PNRC1: variants seen among roughly 807,000 people sequenced by gnomAD.
PNRC1 encodes the protein proline rich nuclear receptor coactivator 1.
Under a neutral mutation model 20.2 loss-of-function variants are expected in PNRC1, and 6 were observed. The observed-to-expected ratio is 0.30, with a 90% confidence interval of 0.16 to 0.59. The LOEUF is 0.59. Among genes scored for constraint, PNRC1 ranks in the 20% least tolerant of loss-of-function variants. The probability of loss-of-function intolerance (pLI) is 0.89; values close to 1 mark genes in which losing one functional copy is unlikely to be tolerated. For missense variants in PNRC1, 488 were observed against 430.2 expected (o/e 1.13, Z -1.19); for synonymous variants, 202 against 186.9 (o/e 1.08, Z -0.66).
In PNRC1 at chr6:89,081,049, C is replaced by T. The variant is rs1767970347; in HGVS notation, c.155C>T (p.Pro52Leu). Reference protein sequence around the residue: ...LPRIPDPRALPPTLFLPHFLG... With the variant: ...LPRIPDPRALLPTLFLPHFLG... ...CGGATCCCGGACCCCCGGGCACTGC[C>T]CCCGACCCTCTTCCTCCCTCATTTC... The change falls in exon 1 of 2, where the codon CCC becomes CTC. Residue 52 changes from proline (P) to leucine (L), a missense_variant. Transcript: ENST00000336032. The T allele has an allele frequency of 1.2e-6, 2 of 1,611,014 alleles. No individual in the cohort carries two copies. The highest frequency in any genetic ancestry group is 1.7e-5 in the Admixed American group (1 of 60,000).
rs147772027 is a variant in PNRC1 at position 89,080,931 on chromosome 6, G to T, written c.37G>T (p.Val13Phe). 1 of 1,612,868 alleles carries T rather than the reference G, an allele frequency of 6.2e-7. No homozygotes were observed. The highest frequency in any genetic ancestry group is 8.5e-7 in the Non-Finnish European group (1 of 1,180,016). The change falls in exon 1 of 2, where the codon GTC (valine) becomes TTC (phenylalanine). Residue 13 changes from valine to phenylalanine, a missense_variant. By Grantham distance (50) the Val-to-Phe change is conservative. Coordinates refer to ENST00000336032, the MANE Select transcript of PNRC1 (RefSeq NM_006813.3). ...VVSVPQREPL[V>F]LGGRLAPLGF... ...CTCCGTCCCGCAGCGGGAGCCGCTC[G>T]TCCTGGGTGGCCGCCTTGCGCCGCT...
Position 89,083,908 on chromosome 6 carries a change from AAAC to A in PNRC1, c.700_702del (p.Asn234del). 1 of 1,614,160 alleles carries A rather than the reference AAAC, an allele frequency of 6.2e-7. No homozygotes were observed. The highest frequency in any genetic ancestry group is 8.5e-7 in the Non-Finnish European group (1 of 1,180,026). On this transcript the variant is annotated inframe_deletion, in exon 2 of 2. Transcript: ENST00000336032. Reference sequence around the variant, plus strand: ...AGATCACCTCTGCAAAAAGAAATGAAAACAACTTTTGGCAGGATTCTGTTTCAT... The same window carrying A: ...AGATCACCTCTGCAAAAAGAAATGAAAACTTTTGGCAGGATTCTGTTTCAT...
intron 1 of PNRC1, among the ~76,000 whole-genome samples, chr6:89,082,967 G>A (rs192455185): frequency 5.5e-4 from 84 of 152,018 alleles, no homozygotes; most frequent in Non-Finnish European, 6.5e-4. Flanking sequence ...GCGAACAAGA[G>A]TGAACTTAAA....
intron 1 of PNRC1, 99 bp from the exon 2 acceptor site, chr6:89,083,654 G>T: frequency 1.1e-6 from 1 of 875,020 alleles, no homozygotes; most frequent in Admixed American, 3.1e-5. Context: ...CTATGGCTGT[G>T]GGCAAACTTA....
Position 89,083,901 on chromosome 6 carries a change from G to C in PNRC1, c.689G>C (p.Arg230Thr), listed in dbSNP as rs866480052. Residue 230 changes from arginine (R) to threonine (T), a missense_variant, in exon 2 of 2, where the codon AGA becomes ACA. Physicochemically the swap from Arg to Thr is moderately conservative, Grantham distance 71. Transcript: ENST00000336032. Reference sequence around the variant, plus strand: ...CTAACCAAGATCACCTCTGCAAAAAGAAATGAAAACAACTTTTGGCAGGAT... The same window carrying C: ...CTAACCAAGATCACCTCTGCAAAAACAAATGAAAACAACTTTTGGCAGGAT... ...LPLTKITSAK[R>T]NENNFWQDSV... 4 of 1,614,006 alleles carry C rather than the reference G, an allele frequency of 2.5e-6. No homozygotes were observed. The highest frequency in any genetic ancestry group is 2.5e-6 in the Non-Finnish European group (3 of 1,179,992).
At position 89,081,036 on chromosome 6, in the gene PNRC1, C is replaced by T. The variant is rs1368223422; in HGVS notation, c.142C>T (p.Pro48Ser). Residue 48 changes from proline (P) to serine (S), a missense_variant, in exon 1 of 2, where the codon CCC (proline) becomes TCC (serine). Coordinates refer to ENST00000336032, the MANE Select transcript of PNRC1 (RefSeq NM_006813.3). Reference protein sequence around the residue: ...APPPLPRIPDPRALPPTLFLP... With the variant: ...APPPLPRIPDSRALPPTLFLP... The stretch of plus-strand genomic sequence containing the variant: ...GCCTCCTTTACCCCGGATCCCGGAC[C>T]CCCGGGCACTGCCCCCGACCCTCTT... 1 of 1,611,492 alleles carries T rather than the reference C, an allele frequency of 6.2e-7. No individual in the cohort carries two copies. Among genetic ancestry groups the T allele is most frequent in the South Asian group, 1.1e-5 (1 of 91,088 alleles).
Position 89,081,031 on chromosome 6 carries a change from C to G in PNRC1, c.137C>G (p.Pro46Arg). The G allele has an allele frequency of 6.2e-7, 1 of 1,611,662 alleles. No homozygotes were observed. Among genetic ancestry groups the G allele is most frequent in the Non-Finnish European group, 8.5e-7 (1 of 1,179,878 alleles). ...TTAPPPLPRIPDPRALPPTLF... is the reference protein window; with the variant it reads ...TTAPPPLPRIRDPRALPPTLF... ...GCTCCGCCTCCTTTACCCCGGATCCCGGACCCCCGGGCACTGCCCCCGACC... is the reference window on the plus strand; with the variant it reads ...GCTCCGCCTCCTTTACCCCGGATCCGGGACCCCCGGGCACTGCCCCCGACC... Residue 46 changes from proline (P) to arginine (R), a missense_variant, in exon 1 of 2, where the codon CCG (proline) becomes CGG (arginine). Coordinates refer to ENST00000336032, the MANE Select transcript of PNRC1 (RefSeq NM_006813.3).
At position 89,084,297 on chromosome 6, in the gene PNRC1, C is replaced by A. The variant is rs914957946; in HGVS notation, c.*101C>A. On this transcript the variant is annotated 3_prime_UTR_variant, in exon 2 of 2. Coordinates refer to ENST00000336032, the MANE Select transcript of PNRC1 (RefSeq NM_006813.3). ...TGGAAATTTGCCTTGTTGCAACATA[C>A]AATTGCAAAAGATGAGTTTAAAAAA... 2.1e-5 allele frequency: 15 copies of A among 722,530 alleles called. No individual in the cohort carries two copies. The highest frequency in any genetic ancestry group is 4.3e-5 in the South Asian group (2 of 46,720). The allele number at this position is 722,530 out of a possible 1,614,324, so 44.8% of individuals were successfully genotyped here.
chr6:89,084,486 A>C lies in PNRC1; in HGVS notation c.*290A>C. On this transcript the variant is annotated 3_prime_UTR_variant, in exon 2 of 2. Coordinates refer to ENST00000336032, the MANE Select transcript of PNRC1 (RefSeq NM_006813.3). ...GTGTTTTGTATATATACAATGGATAAATTTTAAGTGTGTGCTAAGGCACAT... is the reference window on the plus strand; with the variant it reads ...GTGTTTTGTATATATACAATGGATACATTTTAAGTGTGTGCTAAGGCACAT... 4.6e-6 allele frequency: 1 copy of C among 215,484 alleles called. No individual in the cohort carries two copies. The highest frequency in any genetic ancestry group is 9.4e-6 in the Non-Finnish European group (1 of 106,426). The allele number at this position is 215,484 out of a possible 1,614,324, so 13.3% of individuals were successfully genotyped here.
In PNRC1 at chr6:89,080,825, C is replaced by G; in HGVS notation, c.-70C>G. The G allele has an allele frequency of 6.9e-7, 1 of 1,450,948 alleles. No individual in the cohort carries two copies. The highest frequency in any genetic ancestry group is 9.3e-7 in the Non-Finnish European group (1 of 1,070,616). 89.9% of individuals were successfully genotyped at this position (1,450,948 alleles called of 1,614,324 possible). ...CTCCTAGCAGCATCCATCGCCGCCA[C>G]CCTATCTTCACTGGCTTCATTCACC... On this transcript the variant is annotated 5_prime_UTR_variant, in exon 1 of 2. Coordinates refer to ENST00000336032, the MANE Select transcript of PNRC1 (RefSeq NM_006813.3).
chr6:89,081,678 C>T (rs1768001925), intron 1 of PNRC1, among the ~76,000 whole-genome samples: 1 of 151,868 alleles, frequency 6.6e-6, no homozygotes, highest in Non-Finnish European at 1.5e-5. Flanking sequence ...TGAGAAGCGC[C>T]GCTGCGCCCC....
In PNRC1 at chr6:89,083,780, G is replaced by A. The variant is rs747730686; in HGVS notation, c.568G>A (p.Glu190Lys). 1.3e-6 allele frequency: 2 copies of A among 1,580,678 alleles called. No homozygotes were observed. The highest frequency in any genetic ancestry group is 2.0e-5 in the Admixed American group (1 of 50,682). Residue 190 changes from glutamate (E) to lysine (K), a missense_variant, in exon 2 of 2, where the codon GAG becomes AAG. Physicochemically the swap from Glu to Lys is moderately conservative, Grantham distance 56. Coordinates refer to ENST00000336032, the MANE Select transcript of PNRC1 (RefSeq NM_006813.3). ...TTTAAAATCAAAGATGGGAAAATCG[G>A]AGAAAATTGCCCTTCCCCATGGCCA... is the stretch of plus-strand genomic sequence containing the variant. Reference protein sequence around the residue: ...EVLKSKMGKSEKIALPHGQLV... With the variant: ...EVLKSKMGKSKKIALPHGQLV...
rs1364512054 is a variant in PNRC1, at chr6:89,081,332, C to T, written c.438C>T (p.Ala146=). 2.9e-5 allele frequency: 42 copies of T among 1,461,780 alleles called. No individual in the cohort carries two copies. The highest frequency in any genetic ancestry group is 3.7e-5 in the Non-Finnish European group (41 of 1,117,988). The allele number at this position is 1,461,780 out of a possible 1,614,324, so 90.6% of individuals were successfully genotyped here. A position where few individuals can be genotyped will look rare whatever the true frequency, so the allele number is the denominator to read the frequency against. Residue 146 remains alanine, a synonymous_variant, in exon 1 of 2, where the codon GCC becomes GCT. Transcript: ENST00000336032. ...GAQEVPGPAA[A]LAPSPAAAAG... The stretch of plus-strand genomic sequence containing the variant: ...AGGAGGTCCCGGGCCCGGCCGCCGC[C>T]TTGGCCCCGAGTCCTGCAGCCGCAG...
rs983286694 is a variant in PNRC1 at position 89,083,747 on chromosome 6, T to C, written c.541-6T>C. On this transcript the variant is annotated splice_polypyrimidine_tract_variant and splice_region_variant and intron_variant, in intron 1 of 1. Coordinates refer to ENST00000336032, the MANE Select transcript of PNRC1 (RefSeq NM_006813.3). ...TATATTTACTTTTGTGTTCTTGTCT[T>C]TGTAGGTTTTAAAATCAAAGATGGG... 2 of 1,570,642 alleles carry C rather than the reference T, an allele frequency of 1.3e-6. No homozygotes were observed. The highest frequency in any genetic ancestry group is 1.7e-6 in the Non-Finnish European group (2 of 1,161,900).
rs1180077899 is a variant in PNRC1 at position 89,084,303 on chromosome 6, C to T, written c.*107C>T. 2 of 687,892 alleles carry T rather than the reference C, an allele frequency of 2.9e-6. No homozygotes were observed. The highest frequency in any genetic ancestry group is 4.8e-6 in the Non-Finnish European group (2 of 414,390). 42.6% of individuals were successfully genotyped at this position (687,892 alleles called of 1,614,324 possible). A position where few individuals can be genotyped will look rare whatever the true frequency, so the allele number is the denominator to read the frequency against. ...TTTGCCTTGTTGCAACATACAATTG[C>T]AAAAGATGAGTTTAAAAAATTACAT... On this transcript the variant is annotated 3_prime_UTR_variant, in exon 2 of 2. Transcript: ENST00000336032.
At position 89,081,105 on chromosome 6, in the gene PNRC1, C is replaced by A. The variant is rs767162461; in HGVS notation, c.211C>A (p.Gln71Lys). The A allele has an allele frequency of 1.3e-5, 21 of 1,608,892 alleles. No homozygotes were observed. The highest frequency in any genetic ancestry group is 1.3e-5 in the African/African-American group (1 of 74,954). ...LGGDGPCLTP[Q>K]PRAPAALPNR... The stretch of plus-strand genomic sequence containing the variant: ...GGGAGATGGCCCGTGTCTGACCCCC[C>A]AGCCTCGCGCTCCAGCAGCTCTGCC... The change falls in exon 1 of 2, where the codon CAG (glutamine) becomes AAG (lysine). Residue 71 changes from glutamine to lysine, a missense_variant. Gln to Lys is a moderately conservative substitution (Grantham distance 53, BLOSUM62 1). Transcript: ENST00000336032.
Position 89,083,986 on chromosome 6 carries a change from C to G in PNRC1, c.774C>G (p.Asn258Lys). ...QEKKPFKNTE[N>K]IKNSHLKKSA... Reference sequence around the variant, plus strand: ...AAAAGCCTTTTAAAAATACCGAGAACATTAAAAATTCGCATTTGAAGAAAT... The same window carrying G: ...AAAAGCCTTTTAAAAATACCGAGAAGATTAAAAATTCGCATTTGAAGAAAT... The change falls in exon 2 of 2, where the codon AAC (asparagine) becomes AAG (lysine). Residue 258 changes from asparagine (N) to lysine (K), a missense_variant. Asn to Lys is a moderately conservative substitution (Grantham distance 94). Transcript: ENST00000336032. 1 of 1,613,886 alleles carries G rather than the reference C, an allele frequency of 6.2e-7. No homozygotes were observed.
chr6:89,083,818 T>TATA lies in PNRC1; in HGVS notation c.607_609dup (p.Ile203dup), dbSNP rs1407470536. 1.9e-6 allele frequency: 3 copies of TATA among 1,613,522 alleles called. No homozygotes were observed. Among genetic ancestry groups the TATA allele is most frequent in the Non-Finnish European group, 2.5e-6 (3 of 1,179,828 alleles). The stretch of plus-strand genomic sequence containing the variant: ...TTCCCCATGGCCAGCTTGTTCATGG[T>TATA]ATACACTTGTATGAGCAACCAAAGA... On this transcript the variant is annotated inframe_insertion, in exon 2 of 2. Coordinates refer to ENST00000336032, the MANE Select transcript of PNRC1 (RefSeq NM_006813.3).
In PNRC1 at chr6:89,084,130, A is replaced by G. The variant is rs775743807; in HGVS notation, c.918A>G (p.Glu306=). The part of the protein sequence containing the change: ...PPSHWMGSTV[E]NSNQNRELMA... The stretch of plus-strand genomic sequence containing the variant: ...GTCACTGGATGGGAAGCACTGTTGA[A>G]AATTCCAACCAAAACAGGGAGCTGA... The change falls in exon 2 of 2, where the codon GAA becomes GAG. Residue 306 remains glutamate (E), a synonymous_variant. Transcript: ENST00000336032. The G allele has an allele frequency of 9.1e-5, 146 of 1,611,256 alleles. No homozygotes were observed. Among genetic ancestry groups the G allele is most frequent in the Non-Finnish European group, 1.2e-4 (144 of 1,179,278 alleles).
Sources: allele counts gnomAD v4.1 joint callset (sites outside exome capture counted in the v4.1 genomes callset), GRCh38; gene constraint gnomAD v4.1.1; transcripts MANE v1.5; gene names NCBI Gene and HGNC (gene_info 2026-07-23, HGNC 2026-07-21).